The following CCDC66 variants were observed in gnomAD, a reference collection of about 807,000 sequenced individuals.
CCDC66 encodes the protein coiled-coil domain containing 66, also known as coiled-coil domain-containing protein 66.
A neutral mutation model predicts 128.3 loss-of-function variants in CCDC66; 133 were observed. That is an observed-to-expected ratio of 1.04 (90% CI 0.90 to 1.20). The LOEUF (loss-of-function observed/expected upper bound fraction) is 1.20. CCDC66 is among the 50% of genes most tolerant of loss of function. The pLI is 0.00. For missense variants in CCDC66, 1,126 were observed against 1,075.5 expected, an observed-to-expected ratio of 1.05 and a Z score of -0.66; for synonymous variants, 387 against 357.0, an observed-to-expected ratio of 1.08 and a Z score of -0.95.
At chr3:56,615,014 T>C in intron 11 of CCDC66, 114 bp from the exon 12 acceptor site, 1 of 992,742 alleles carries the variant, frequency 1.0e-6, no homozygotes, top group South Asian at 1.8e-5. Flanking sequence ...GTACCCTTAG[T>C]GTCTAAACAA....
Position 56,586,582 on chromosome 3 carries a change from A to G in CCDC66, c.937-6388A>G, listed in dbSNP as rs116758226. On this transcript the variant is annotated intron_variant, in intron 7 of 17. Transcript: ENST00000394672. ...TAAAGTAATCATTAGTATAATTATA[A>G]AGAGTATCTGCCAACATAGTTTGTA... Among the ~76,000 whole-genome samples the G allele has an allele frequency of 4.5e-3, 679 of 151,784 alleles. 5 individuals are homozygous for G. The highest frequency in any genetic ancestry group is 0.01 in the Middle Eastern group (3 of 294).
At chr3:56,582,389 G>A (rs879710175) in intron 7 of CCDC66, among the ~76,000 whole-genome samples, 17 of 151,696 alleles carry the variant, frequency 1.1e-4, no homozygotes, top group South Asian at 6.2e-4. Flanking sequence ...CACCTGCTCC[G>A]TGGGCTGCAC....
intron 7 of CCDC66, among the ~76,000 whole-genome samples, chr3:56,572,146 A>C (rs2066721452): frequency 6.6e-6 from 1 of 152,222 alleles, no homozygotes; most frequent in Non-Finnish European, 1.5e-5. Flanking sequence ...AGAGTCTTAT[A>C]AAGGAGCTGT....
At chr3:56,594,791 A>G (rs2071578025) in intron 10 of CCDC66, among the ~76,000 whole-genome samples, 1 of 152,240 alleles carries the variant, frequency 6.6e-6, no homozygotes, top group Non-Finnish European at 1.5e-5. Context: ...TAATATCTGC[A>G]TAATTCTTCA....
chr3:56,587,182 C>T (rs1200373393), intron 7 of CCDC66, among the ~76,000 whole-genome samples: 1 of 151,582 alleles, frequency 6.6e-6, no homozygotes, highest in African/African-American at 2.4e-5. Context: ...GTATAGAAAC[C>T]CCAAAGAATC....
chr3:56,582,849 T>TTTATTATTATTATTA lies in CCDC66; in HGVS notation c.937-10090_937-10076dup, dbSNP rs66485521. ...TCCCTTTTTTGACTTCTCAACTTTC[T>TTTATTATTATTATTA]TTATTATTATTATTATTATTATTAT... On this transcript the variant is annotated intron_variant, in intron 7 of 17. Coordinates refer to ENST00000394672, the MANE Select transcript of CCDC66 (RefSeq NM_001141947.3). Among the ~76,000 whole-genome samples the TTTATTATTATTATTA allele has an allele frequency of 1.5e-4, 20 of 134,880 alleles. 1 individual carries two copies. Among genetic ancestry groups the TTTATTATTATTATTA allele is most frequent in the East Asian group, 7.5e-4 (3 of 4,020 alleles). 88.5% of individuals were successfully genotyped at this position (134,880 alleles called of 152,430 possible). A position where few individuals can be genotyped will look rare whatever the true frequency, so the allele number is the denominator to read the frequency against.
At chr3:56,592,919 G>T in intron 7 of CCDC66, 51 bp from the exon 8 acceptor site, 1 of 1,584,230 alleles carries the variant, frequency 6.3e-7, no homozygotes, top group South Asian at 1.2e-5. Context: ...CATATTAAGT[G>T]ATTAGAAAAA....
intron 10 of CCDC66, among the ~76,000 whole-genome samples, chr3:56,606,739 A>G (rs1013222379): frequency 6.6e-6 from 1 of 151,956 alleles, no homozygotes; most frequent in Non-Finnish European, 1.5e-5. Context: ...CATCTTGCCA[A>G]CAACCCTCCA....
At chr3:56,597,954 T>G (rs919818999) in intron 10 of CCDC66, among the ~76,000 whole-genome samples, 1 of 151,194 alleles carries the variant, frequency 6.6e-6, no homozygotes, top group African/African-American at 2.4e-5. Flanking sequence ...TTGTATTTTT[T>G]TAGTAGAGAT....
At position 56,557,258 on chromosome 3, in the gene CCDC66, G is replaced by A. The variant is rs995741278; in HGVS notation, c.11+5G>A. The A allele has an allele frequency of 1.3e-6, 2 of 1,549,354 alleles. No individual in the cohort carries two copies. Among genetic ancestry groups the A allele is most frequent in the African/African-American group, 1.4e-5 (1 of 72,930 alleles). On this transcript the variant is annotated splice_donor_5th_base_variant and intron_variant, in intron 1 of 17. Transcript: ENST00000394672. ...AGGTCAGGCCATGAACTTGGGGTAA[G>A]CAGGGGTAAGCTGGGGTAAGCTGGG...
intron 1 of CCDC66, among the ~76,000 whole-genome samples, chr3:56,558,327 C>T (rs1166357408): frequency 1.3e-5 from 2 of 152,080 alleles, no homozygotes; most frequent in African/African-American, 2.4e-5. Context: ...CTGATATGCA[C>T]GTATAAAGCA....
intron 10 of CCDC66, among the ~76,000 whole-genome samples, chr3:56,605,082 G>T (rs1197561335): frequency 2.0e-5 from 3 of 151,950 alleles, no homozygotes; most frequent in Non-Finnish European, 4.4e-5. Flanking sequence ...ACTTGTGTAT[G>T]CTTCACAAGG....
chr3:56,557,298 C>G, intron 1 of CCDC66, 45 bp downstream of exon 1: 4 of 1,031,568 alleles, frequency 3.9e-6, no homozygotes, highest in Non-Finnish European at 5.6e-6. Context: ...GCAAGGTGGT[C>G]GTCAGCGGAG....
chr3:56,592,968 A>C lies in CCDC66; in HGVS notation c.937-2A>C. ...TAGATGGCTTTTATGGCTGTTGTTT[A>C]GGAAACAGTACTGCTGGAGCACCCT... On this transcript the variant is annotated splice_acceptor_variant, in intron 7 of 17. Coordinates refer to ENST00000394672, the MANE Select transcript of CCDC66 (RefSeq NM_001141947.3). LOFTEE classifies it high-confidence loss of function. The C allele has an allele frequency of 6.2e-7, 1 of 1,603,822 alleles. No homozygotes were observed.
chr3:56,593,174 A>G, intron 8 of CCDC66, 73 bp downstream of exon 8: 1 of 1,240,684 alleles, frequency 8.1e-7, no homozygotes, highest in Non-Finnish European at 1.1e-6. Context: ...AACTAGAAGT[A>G]TTCTGAAACT....
At position 56,603,622 on chromosome 3, in the gene CCDC66, C is replaced by G. The variant is rs543154491; in HGVS notation, c.1404+9594C>G. Among the ~76,000 whole-genome samples, 5 of 152,104 alleles carry G rather than the reference C, an allele frequency of 3.3e-5. No individual in the cohort carries two copies. The South Asian group carries it at 1.0e-3, about 32-fold the overall frequency. On this transcript the variant is annotated intron_variant, in intron 10 of 17. Coordinates refer to ENST00000394672, the MANE Select transcript of CCDC66 (RefSeq NM_001141947.3). ...TGAGTGAGTTTCTTAATCCTGAGTT[C>G]TAATTTGATTGCACTGTGGTCTGAG... is the stretch of plus-strand genomic sequence containing the variant.
In CCDC66 at chr3:56,619,344, A is replaced by T. The variant is rs1419434273; in HGVS notation, c.2452A>T (p.Lys818Ter). The T allele has an allele frequency of 6.2e-7, 1 of 1,613,860 alleles. No individual in the cohort carries two copies. The highest frequency in any genetic ancestry group is 1.3e-5 in the African/African-American group (1 of 74,930). ...QTQNTLHLPL[K>*]NSSYERENLI... ...TCAAAATACATTACATTTACCACTA[A>T]AAAACAGTAGCTATGAGAGAGAGAA... The change falls in exon 16 of 18, where the codon AAA (lysine) becomes TAA (stop). Residue 818 changes from lysine to a stop codon, truncating the protein, a stop_gained. Coordinates refer to ENST00000394672, the MANE Select transcript of CCDC66 (RefSeq NM_001141947.3). LOFTEE classifies it high-confidence loss of function.
Position 56,613,626 on chromosome 3 carries a change from A to C in CCDC66, c.1442A>C (p.Lys481Thr), listed in dbSNP as rs1238626946. Residue 481 changes from lysine to threonine, a missense_variant, in exon 11 of 18, where the codon AAG (lysine) becomes ACG (threonine). Physicochemically the swap from Lys to Thr is moderately conservative, Grantham distance 78. Coordinates refer to ENST00000394672, the MANE Select transcript of CCDC66 (RefSeq NM_001141947.3). ...GCCCAGGTAGAAGAGAAGCGCAGGA[A>C]GAAACAACTGGAGGAAGAGCAAAGA... ...ITAQVEEKRR[K>T]KQLEEEQRKK... The C allele has an allele frequency of 6.2e-7, 1 of 1,613,950 alleles. No homozygotes were observed. Among genetic ancestry groups the C allele is most frequent in the African/African-American group, 1.3e-5 (1 of 74,932 alleles).
At chr3:56,561,415 G>GGTAGGCCT in intron 3 of CCDC66, 1 of 355,382 alleles carries the variant, frequency 2.8e-6, no homozygotes, top group South Asian at 2.3e-5. Context: ...TTGGACTTTT[G>GGTAGGCCT]ATTACTAGAC....
Sources: allele counts gnomAD v4.1 joint callset (sites outside exome capture counted in the v4.1 genomes callset), GRCh38; gene constraint gnomAD v4.1.1; transcripts MANE v1.5; gene names NCBI Gene and HGNC (gene_info 2026-07-23, HGNC 2026-07-21).